SHISA9: variants seen among roughly 807,000 people sequenced by gnomAD.
SHISA9 encodes the protein shisa family member 9.
Under a neutral mutation model 38.0 loss-of-function variants are expected in SHISA9, and 13 were observed. The ratio of observed to expected loss-of-function variants is 0.34; its 90% CI spans 0.22 to 0.54. The LOEUF (loss-of-function observed/expected upper bound fraction) is 0.54, where lower values mean the gene tolerates loss of function less well. SHISA9 is among the 20% of genes least tolerant of loss of function. The probability of loss-of-function intolerance (pLI) is 0.91; values close to 1 mark genes in which losing one functional copy is unlikely to be tolerated. For missense variants in SHISA9, 538 were observed against 575.8 expected, an observed-to-expected ratio of 0.93 and a Z score of 0.67; for synonymous variants, 275 against 242.0, an observed-to-expected ratio of 1.14 and a Z score of -1.27.
At chr16:12,923,267 C>T (rs1596531171) in intron 2 of SHISA9, among the ~76,000 whole-genome samples, 1 of 152,224 alleles carries the variant, frequency 6.6e-6, no homozygotes, top group African/African-American at 2.4e-5. Context: ...CAGTGGCTCA[C>T]ACGTGTAATC....
the SHISA9 span, among the ~76,000 whole-genome samples, chr16:13,408,304 A>G: frequency 1.3e-5 from 2 of 152,224 alleles, no homozygotes; most frequent in East Asian, 3.8e-4. Flanking sequence ...TTTACTTAGA[A>G]TAAAAAGGAA....
chr16:13,477,785 T>TA, the SHISA9 span, among the ~76,000 whole-genome samples: 1 of 152,064 alleles, frequency 6.6e-6, no homozygotes, highest in Non-Finnish European at 1.5e-5. Context: ...ACCAACATGG[T>TA]AAAACCCCTT....
intron 2 of SHISA9, among the ~76,000 whole-genome samples, chr16:13,196,469 C>T (rs1253094903): frequency 6.6e-6 from 1 of 151,354 alleles, no homozygotes; most frequent in East Asian, 1.9e-4. Context: ...TCAAAACTGT[C>T]AAAGTCATCA....
the SHISA9 span, among the ~76,000 whole-genome samples, chr16:13,277,823 C>T: frequency 6.6e-6 from 1 of 151,722 alleles, no homozygotes; most frequent in Non-Finnish European, 1.5e-5. Context: ...TGGAAGAGTC[C>T]TTAGGGTTTT....
the SHISA9 span, among the ~76,000 whole-genome samples, chr16:13,528,120 C>G: frequency 6.6e-6 from 1 of 152,148 alleles, no homozygotes; most frequent in South Asian, 2.1e-4. Context: ...AATCAGAATT[C>G]CTTTCCCTGT....
intron 2 of SHISA9, among the ~76,000 whole-genome samples, chr16:13,054,314 G>T (rs1203938610): frequency 6.6e-6 from 1 of 152,134 alleles, no homozygotes; most frequent in East Asian, 1.9e-4. Context: ...AAAACCTGTG[G>T]CTCCCACGGT....
At chr16:13,491,952 C>G in the SHISA9 span, among the ~76,000 whole-genome samples, 1 of 142,394 alleles carries the variant, frequency 7.0e-6, no homozygotes, top group Non-Finnish European at 1.5e-5. Context: ...ACTGAGATAA[C>G]AAGCATGAGC....
intron 2 of SHISA9, among the ~76,000 whole-genome samples, chr16:12,928,845 A>T (rs1459001485): frequency 1.3e-5 from 2 of 152,354 alleles, no homozygotes; most frequent in African/African-American, 2.4e-5. Context: ...ATGTCATCAA[A>T]CAATTCTTTG....
intron 2 of SHISA9, among the ~76,000 whole-genome samples, chr16:12,983,110 T>C (rs1167420526): frequency 6.6e-6 from 1 of 152,230 alleles, no homozygotes; most frequent in Middle Eastern, 3.2e-3. Flanking sequence ...AGAATCAGGT[T>C]TGGGGTGACC....
intron 2 of SHISA9, among the ~76,000 whole-genome samples, chr16:12,919,862 G>C (rs1368973013): frequency 6.6e-6 from 1 of 152,172 alleles, no homozygotes; most frequent in Non-Finnish European, 1.5e-5. Flanking sequence ...TGATTAACAG[G>C]ATGTAGTTTC....
downstream of SHISA9, among the ~76,000 whole-genome samples, chr16:13,241,278 G>C (rs1223333534): frequency 6.6e-6 from 1 of 152,178 alleles, no homozygotes; most frequent in Non-Finnish European, 1.5e-5. Flanking sequence ...ACTTTGGGAG[G>C]CCAAGGCGGG....
the SHISA9 span, among the ~76,000 whole-genome samples, chr16:13,258,862 C>T: frequency 6.6e-5 from 10 of 152,158 alleles, no homozygotes; most frequent in South Asian, 2.1e-4. Flanking sequence ...CTAGGAGATA[C>T]GATTCAAGTT....
the SHISA9 span, among the ~76,000 whole-genome samples, chr16:13,471,245 C>T: frequency 1.3e-5 from 2 of 152,114 alleles, no homozygotes; most frequent in Non-Finnish European, 2.9e-5. Flanking sequence ...CTGTCCGCCA[C>T]AGCAGTCCTG....
chr16:13,223,359 G>T (rs991332132), intron 4 of SHISA9, among the ~76,000 whole-genome samples: 1 of 152,128 alleles, frequency 6.6e-6, no homozygotes, highest in Non-Finnish European at 1.5e-5. Context: ...GAACCCAGGA[G>T]GGTCAAGTCA....
rs572380488 is a variant in SHISA9 at position 13,233,331 on chromosome 16, A to AAGGAATCC, written c.896-1698_896-1697insGGAATCCA. Among the ~76,000 whole-genome samples the AAGGAATCC allele has an allele frequency of 2.8e-4, 42 of 152,054 alleles. 1 individual carries two copies. The South Asian group carries it at 4.4e-3, about 16-fold the overall frequency. ...GGAAGAAGGAAGGAAGGAAGGAAGG[A>AAGGAATCC]ATCCTTCAATGCTGGAGAGAGTGTA... On this transcript the variant is annotated intron_variant, in intron 4 of 4. Coordinates refer to ENST00000558583, the MANE Select transcript of SHISA9 (RefSeq NM_001145204.3).
intron 2 of SHISA9, among the ~76,000 whole-genome samples, chr16:13,018,358 C>T (rs955124300): frequency 6.6e-6 from 1 of 152,220 alleles, no homozygotes; most frequent in Non-Finnish European, 1.5e-5. Context: ...AAGAAGCTGT[C>T]GCAATGGCCA....
At chr16:13,095,845 TC>T (rs1389601269) in intron 2 of SHISA9, among the ~76,000 whole-genome samples, 8 of 152,238 alleles carry the variant, frequency 5.3e-5, no homozygotes, top group African/African-American at 1.9e-4. Context: ...CGAGCATGCA[TC>T]AGGATCACTT....
At chr16:13,203,888 A>T (rs2051032944) in intron 3 of SHISA9, among the ~76,000 whole-genome samples, 1 of 151,560 alleles carries the variant, frequency 6.6e-6, no homozygotes, top group Non-Finnish European at 1.5e-5. Flanking sequence ...TCATCCATCC[A>T]TCTACTATTC....
At chr16:13,126,593 AAG>A (rs532364710) in intron 2 of SHISA9, among the ~76,000 whole-genome samples, 2 of 122,016 alleles carry the variant, frequency 1.6e-5, no homozygotes, top group East Asian at 5.0e-4. Flanking sequence ...GAGAGAGAGA[AAG>A]AGAGACAGGG....
Sources: gnomAD v4.1 joint callset for allele counts (sites outside exome capture counted in the v4.1 genomes callset) on GRCh38, gnomAD v4.1.1 for gene constraint, MANE v1.5 for transcripts, NCBI Gene and HGNC (gene_info 2026-07-23, HGNC 2026-07-21) for gene names.